AFF1: variants seen among roughly 807,000 people sequenced by gnomAD.
AFF1 encodes the protein AF4/FMR2 family member 1.
A neutral mutation model predicts 121.7 loss-of-function variants in AFF1; 48 were observed. The ratio of observed to expected loss-of-function variants is 0.39; its 90% CI spans 0.31 to 0.50. The LOEUF (loss-of-function observed/expected upper bound fraction) is 0.50. Among genes scored for constraint, AFF1 ranks in the 20% least tolerant of loss-of-function variants. The pLI, the probability that AFF1 is intolerant of heterozygous loss-of-function variation, is 0.76. For missense variants in AFF1, 1,523 were observed against 1,511.7 expected, an observed-to-expected ratio of 1.01 and a Z score of -0.12; for synonymous variants, 613 against 563.0, an observed-to-expected ratio of 1.09 and a Z score of -1.26.
At chr4:87,096,799 G>A (rs1024105471) in intron 8 of AFF1, among the ~76,000 whole-genome samples, 1 of 151,486 alleles carries the variant, frequency 6.6e-6, no homozygotes, top group Non-Finnish European at 1.5e-5. Flanking sequence ...TTAGAGACAG[G>A]GTCTCACTAT....
intron 2 of AFF1, among the ~76,000 whole-genome samples, chr4:87,034,534 C>G (rs1260592745): frequency 6.6e-6 from 1 of 152,150 alleles, no homozygotes; most frequent in Non-Finnish European, 1.5e-5. Flanking sequence ...TAAAATTATT[C>G]TGAATCTGTT....
rs542946057 is a variant in AFF1, at chr4:87,041,290, C to T, written c.39-4876C>T. On this transcript the variant is annotated intron_variant, in intron 2 of 20. Transcript: ENST00000395146. The stretch of plus-strand genomic sequence containing the variant: ...AAAACTGATGTGATAGTGCCAAAAT[C>T]AGTGTTGACTAACATGTTAAGTGAT... 2.6e-3 allele frequency among the ~76,000 whole-genome samples: 397 copies of T among 152,276 alleles called. 1 individual carries two copies. Among genetic ancestry groups the T allele is most frequent in the Middle Eastern group, 0.01 (3 of 294 alleles).
intron 2 of AFF1, among the ~76,000 whole-genome samples, chr4:87,009,113 A>C (rs190956246): frequency 1.3e-5 from 2 of 152,358 alleles, no homozygotes; most frequent in African/African-American, 4.8e-5. Flanking sequence ...ATGAGACACA[A>C]GCTAAATTGG....
At position 87,047,298 on chromosome 4, in the gene AFF1, G is replaced by T. The variant is rs777954443; in HGVS notation, c.763G>T (p.Asp255Tyr). 17 of 1,614,110 alleles carry T rather than the reference G, an allele frequency of 1.1e-5. No individual in the cohort carries two copies. Among genetic ancestry groups the T allele is most frequent in the Non-Finnish European group, 1.1e-5 (13 of 1,180,028 alleles). ...KGYCPAKSPK[D>Y]LAVKVHDKET... ...CTATTGCCCAGCCAAATCTCCCAAG[G>T]ACCTAGCAGTGAAAGTCCATGATAA... The change falls in exon 4 of 21, where the codon GAC becomes TAC. Residue 255 changes from aspartate to tyrosine, a missense_variant. Asp to Tyr is a radical substitution (Grantham distance 160). This residue lies in a region of AFF1 where 369 missense variants were observed against 367.2 expected (regional missense o/e 1.00). Coordinates refer to ENST00000395146, the MANE Select transcript of AFF1 (RefSeq NM_001166693.3).
intron 8 of AFF1, among the ~76,000 whole-genome samples, chr4:87,102,123 A>C (rs1245776933): frequency 6.6e-6 from 1 of 152,238 alleles, no homozygotes; most frequent in Non-Finnish European, 1.5e-5. Flanking sequence ...CTGTAAGCAA[A>C]AAGTTTACCT....
At position 87,115,012 on chromosome 4, in the gene AFF1, A is replaced by G; in HGVS notation, c.2179A>G (p.Arg727Gly). Residue 727 changes from arginine to glycine, a missense_variant, in exon 12 of 21, where the codon AGG (arginine) becomes GGG (glycine). Arg to Gly is a moderately radical substitution (Grantham distance 125, BLOSUM62 -2). Coordinates refer to ENST00000395146, the MANE Select transcript of AFF1 (RefSeq NM_001166693.3). The part of the protein sequence containing the change: ...QGPPHSGSGS[R>G]TSGCRQAVVV... Reference sequence around the variant, plus strand: ...CCCACCCCACAGTGGCAGCGGCAGCAGGACTAGTGGCTGCCGCCAAGCCGT... The same window carrying G: ...CCCACCCCACAGTGGCAGCGGCAGCGGGACTAGTGGCTGCCGCCAAGCCGT... 1 of 1,613,546 alleles carries G rather than the reference A, an allele frequency of 6.2e-7. No individual in the cohort carries two copies. The highest frequency in any genetic ancestry group is 8.5e-7 in the Non-Finnish European group (1 of 1,179,900).
chr4:87,069,816 A>ATTTTT (rs751029258), intron 4 of AFF1, among the ~76,000 whole-genome samples: 4 of 121,304 alleles, frequency 3.3e-5, no homozygotes, highest in Admixed American at 9.2e-5. Context: ...ATCACTCAGG[A>ATTTTT]TTTTTTTTTT....
intron 4 of AFF1, among the ~76,000 whole-genome samples, chr4:87,054,112 T>G (rs1366982161): frequency 6.6e-6 from 1 of 152,256 alleles, no homozygotes; most frequent in Non-Finnish European, 1.5e-5. Flanking sequence ...TTTTCATTTA[T>G]TCTGAAACTT....
chr4:86,985,945 C>T (rs1408157370), intron 2 of AFF1, among the ~76,000 whole-genome samples: 1 of 151,586 alleles, frequency 6.6e-6, no homozygotes, highest in African/African-American at 2.4e-5. Context: ...ATTGATAATA[C>T]TGTTAGGTAA....
chr4:87,086,457 T>TG (rs1723741405), intron 5 of AFF1, among the ~76,000 whole-genome samples: 1 of 152,204 alleles, frequency 6.6e-6, no homozygotes, highest in South Asian at 2.1e-4. Context: ...AGTGAATCCT[T>TG]GCTTACCTCG....
chr4:87,106,481 G>A (rs1450114909), intron 10 of AFF1, among the ~76,000 whole-genome samples: 1 of 152,210 alleles, frequency 6.6e-6, no homozygotes, highest in African/African-American at 2.4e-5. Context: ...TGTTTTAATG[G>A]AGGTAACAGA....
intron 4 of AFF1, among the ~76,000 whole-genome samples, chr4:87,065,867 G>C (rs1413258170): frequency 6.6e-6 from 1 of 152,062 alleles, no homozygotes; most frequent in Admixed American, 6.5e-5. Flanking sequence ...GACTACTGCT[G>C]CTCCTGCTAA....
chr4:87,003,296 C>T (rs535540436), intron 2 of AFF1, among the ~76,000 whole-genome samples: 1 of 152,232 alleles, frequency 6.6e-6, no homozygotes, highest in South Asian at 2.1e-4. Context: ...CTAGGCCTTG[C>T]CCTGTCACCT....
rs189703356 is a variant in AFF1, at chr4:86,980,913, G to A, written c.38+32342G>A. 1.5e-4 allele frequency among the ~76,000 whole-genome samples: 22 copies of A among 144,244 alleles called. No individual in the cohort carries two copies. The East Asian group carries it at 3.7e-3, about 24-fold the overall frequency. 94.6% of individuals were successfully genotyped at this position (144,244 alleles called of 152,430 possible). A position where few individuals can be genotyped will look rare whatever the true frequency, so the allele number is the denominator to read the frequency against. ...GTAATGGCCAGGTGTGGTGGCTCACGCCTATAATCCCAGCACTTTGCGAGG... is the reference window on the plus strand; with the variant it reads ...GTAATGGCCAGGTGTGGTGGCTCACACCTATAATCCCAGCACTTTGCGAGG... On this transcript the variant is annotated intron_variant, in intron 2 of 20. Coordinates refer to ENST00000395146, the MANE Select transcript of AFF1 (RefSeq NM_001166693.3).
intron 1 of AFF1, among the ~76,000 whole-genome samples, chr4:86,947,875 T>G (rs1720985760): frequency 6.6e-6 from 1 of 151,934 alleles, no homozygotes; most frequent in Non-Finnish European, 1.5e-5. Context: ...ATCTTAAGAT[T>G]GATTGTCACT....
intron 2 of AFF1, among the ~76,000 whole-genome samples, chr4:87,011,803 G>T (rs1339550773): frequency 6.6e-6 from 1 of 152,186 alleles, no homozygotes; most frequent in Admixed American, 6.5e-5. Context: ...GTCTAGAGCT[G>T]CTTCCATGAT....
chr4:87,011,887 A>T (rs912539686), intron 2 of AFF1, among the ~76,000 whole-genome samples: 2 of 152,210 alleles, frequency 1.3e-5, no homozygotes, highest in African/African-American at 4.8e-5. Context: ...TGGCAAAACT[A>T]ACTCAAGTGA....
At chr4:87,003,837 C>T (rs955497595) in intron 2 of AFF1, among the ~76,000 whole-genome samples, 7 of 152,046 alleles carry the variant, frequency 4.6e-5, no homozygotes, top group Non-Finnish European at 1.0e-4. Context: ...TTTACTATTG[C>T]AAAAGAAAAT....
At position 87,131,189 on chromosome 4, in the gene AFF1, C is replaced by G. The variant is rs374537040; in HGVS notation, c.3071C>G (p.Ser1024Cys). 2.0e-5 allele frequency: 33 copies of G among 1,614,114 alleles called. No individual in the cohort carries two copies. The highest frequency in any genetic ancestry group is 5.3e-5 in the African/African-American group (4 of 74,942). Reference protein sequence around the residue: ...SESQSSKSAYSVYSETVDLIK... With the variant: ...SESQSSKSAYCVYSETVDLIK... ...AGCCAGTCATCCAAGTCAGCTTACT[C>G]TGTCTACTCAGAAACTGTAGATCTC... is the stretch of plus-strand genomic sequence containing the variant. The change falls in exon 17 of 21, where the codon TCT becomes TGT. Residue 1024 changes from serine to cysteine, a missense_variant. By Grantham distance (112) the Ser-to-Cys change is moderately radical. This residue lies in a region of AFF1 where 241 missense variants were observed against 265.2 expected (regional missense o/e 0.91). Transcript: ENST00000395146.
Sources: gnomAD v4.1 joint callset for allele counts (sites outside exome capture counted in the v4.1 genomes callset) on GRCh38, gnomAD v4.1.1 for gene constraint, gnomAD v4.1.1 regional missense constraint, MANE v1.5 for transcripts, NCBI Gene and HGNC (gene_info 2026-07-23, HGNC 2026-07-21) for gene names.